DENND1B: variants seen among roughly 807,000 people sequenced by gnomAD.
DENND1B encodes the protein DENN domain containing 1B.
A neutral mutation model predicts 90.1 loss-of-function variants in DENND1B; 59 were observed. That is an observed-to-expected ratio of 0.65 (90% CI 0.53 to 0.81). DENND1B has a LOEUF of 0.81. DENND1B is among the 40% of genes least tolerant of loss of function. The pLI, the probability that DENND1B is intolerant of heterozygous loss-of-function variation, is 0.00. For synonymous variants in DENND1B, 337 were observed against 324.6 expected (o/e 1.04, Z -0.41); for missense variants, 862 against 912.6 (o/e 0.94, Z 0.71).
chr1:197,593,075 G>A (rs895796291), intron 14 of DENND1B, among the ~76,000 whole-genome samples: 1 of 151,812 alleles, frequency 6.6e-6, no homozygotes, highest in Admixed American at 6.6e-5. Flanking sequence ...AGTAAAGAGA[G>A]AAGACATTGG....
intron 2 of DENND1B, among the ~76,000 whole-genome samples, chr1:197,737,234 C>T (rs79307025): frequency 0.015 from 2,313 of 152,256 alleles, 60 homozygotes; most frequent in African/African-American, 0.053. Flanking sequence ...TGCCCTATGT[C>T]GAAGTGGTTG....
In DENND1B at chr1:197,578,208, A is replaced by G. The variant is rs11804057; in HGVS notation, c.1149+4944T>C. Among the ~76,000 whole-genome samples the G allele has an allele frequency of 5.7e-3, 863 of 152,036 alleles. 11 individuals carry two copies. The highest frequency in any genetic ancestry group is 0.019 in the African/African-American group (803 of 41,484). On this transcript the variant is annotated intron_variant, in intron 15 of 22. Coordinates refer to ENST00000620048, the MANE Select transcript of DENND1B (RefSeq NM_001195215.2). ...ATACTAATGTATTGTACATTTCAAAATTGCTAAAAGAGTAGGGTTTTTGTT... is the reference window on the plus strand; with the variant it reads ...ATACTAATGTATTGTACATTTCAAAGTTGCTAAAAGAGTAGGGTTTTTGTT...
chr1:197,617,047 T>C (rs1344289718), intron 11 of DENND1B, among the ~76,000 whole-genome samples: 2 of 151,044 alleles, frequency 1.3e-5, no homozygotes, highest in African/African-American at 4.8e-5. Flanking sequence ...ATTGGGATCC[T>C]TTAGGAATTG....
intron 16 of DENND1B, among the ~76,000 whole-genome samples, chr1:197,550,553 A>C (rs961099693): frequency 6.6e-6 from 1 of 152,070 alleles, no homozygotes; most frequent in Non-Finnish European, 1.5e-5. Context: ...TCAGCAAACT[A>C]TCACAAGGAC....
chr1:197,742,402 G>A, intron 2 of DENND1B, among the ~76,000 whole-genome samples: 1 of 152,096 alleles, frequency 6.6e-6, no homozygotes, highest in East Asian at 1.9e-4. Context: ...AAGAAGAAAA[G>A]ATAACATCTC....
At chr1:197,600,740 T>A (rs1676132638) in intron 13 of DENND1B, among the ~76,000 whole-genome samples, 1 of 151,650 alleles carries the variant, frequency 6.6e-6, no homozygotes, top group Admixed American at 6.6e-5. Flanking sequence ...AAAGGATATA[T>A]GAGAGATATG....
chr1:197,557,386 A>C (rs1258272615), intron 15 of DENND1B, among the ~76,000 whole-genome samples: 1 of 151,932 alleles, frequency 6.6e-6, no homozygotes, highest in Non-Finnish European at 1.5e-5. Flanking sequence ...TACTGGAAAT[A>C]ATCCATCCAT....
intron 2 of DENND1B, chr1:197,736,140 G>T: frequency 3.3e-6 from 2 of 609,692 alleles, no homozygotes; most frequent in Non-Finnish European, 5.8e-6. Flanking sequence ...AATAAATATT[G>T]GACTTAAAAA....
At chr1:197,693,875 T>A (rs539572397) in intron 3 of DENND1B, among the ~76,000 whole-genome samples, 79 of 151,612 alleles carry the variant, frequency 5.2e-4, no homozygotes, top group Non-Finnish European at 8.9e-4. Flanking sequence ...TCATTAAGCC[T>A]TATAACAATA....
intron 4 of DENND1B, 111 bp from the exon 5 acceptor site, chr1:197,672,267 G>T: frequency 7.7e-7 from 1 of 1,291,616 alleles, no homozygotes; most frequent in Non-Finnish European, 1.0e-6. Flanking sequence ...TTTCTAATCA[G>T]TTGGTTCTTG....
rs1003040426 is a variant in DENND1B, at chr1:197,735,405, G to T, written c.83-20331C>A. 4.9e-6 allele frequency: 7 copies of T among 1,418,552 alleles called. No homozygotes were observed. The Admixed American group carries it at 1.4e-4, about 28-fold the overall frequency. 87.9% of individuals were successfully genotyped at this position (1,418,552 alleles called of 1,614,324 possible). A position where few individuals can be genotyped will look rare whatever the true frequency, so the allele number is the denominator to read the frequency against. On this transcript the variant is annotated intron_variant, in intron 2 of 22. Transcript: ENST00000620048. Reference sequence around the variant, plus strand: ...AAATTTAAAAGTCCAAGACCTCAGAGAATTCACTGTTAAAAAAAAATACTC... The same window carrying T: ...AAATTTAAAAGTCCAAGACCTCAGATAATTCACTGTTAAAAAAAAATACTC...
At chr1:197,520,743 C>G (rs963931694) in intron 20 of DENND1B, among the ~76,000 whole-genome samples, 1 of 151,820 alleles carries the variant, frequency 6.6e-6, no homozygotes, top group East Asian at 1.9e-4. Context: ...AGTTTTATAT[C>G]ATTCTGATAC....
intron 15 of DENND1B, among the ~76,000 whole-genome samples, chr1:197,557,587 C>T (rs1162175782): frequency 6.6e-6 from 1 of 151,842 alleles, no homozygotes; most frequent in Admixed American, 6.6e-5. Context: ...CAGTGGCAGA[C>T]ACCAATGTAC....
chr1:197,683,080 A>G (rs1227519768), intron 3 of DENND1B, among the ~76,000 whole-genome samples: 1 of 152,160 alleles, frequency 6.6e-6, no homozygotes, highest in Non-Finnish European at 1.5e-5. Flanking sequence ...GATATTAAAT[A>G]GATTAACCAG....
chr1:197,544,922 GAA>G (rs1276465004), intron 18 of DENND1B, among the ~76,000 whole-genome samples: 5 of 105,760 alleles, frequency 4.7e-5, no homozygotes, highest in African/African-American at 1.8e-4. Flanking sequence ...AAAAGAAGAA[GAA>G]AAGAGAAGAA....
At chr1:197,768,952 TC>T (rs1656068011) in intron 2 of DENND1B, among the ~76,000 whole-genome samples, 1 of 152,140 alleles carries the variant, frequency 6.6e-6, no homozygotes, top group South Asian at 2.1e-4. Flanking sequence ...AGGAGCTTTA[TC>T]AAGTTATATT....
intron 10 of DENND1B, among the ~76,000 whole-genome samples, chr1:197,625,767 C>T (rs988724712): frequency 6.6e-6 from 1 of 152,064 alleles, no homozygotes; most frequent in Admixed American, 6.6e-5. Flanking sequence ...ATTCAGGAAA[C>T]CCATCTCACA....
chr1:197,594,616 C>A (rs968716185), intron 14 of DENND1B, among the ~76,000 whole-genome samples: 3 of 152,092 alleles, frequency 2.0e-5, no homozygotes, highest in Admixed American at 6.6e-5. Flanking sequence ...TGTATTTTGA[C>A]TTGCACCTTT....
chr1:197,512,125 C>A (rs953999102), intron 21 of DENND1B, among the ~76,000 whole-genome samples, 181 bp from the exon 22 acceptor site: 2 of 151,624 alleles, frequency 1.3e-5, no homozygotes, highest in Non-Finnish European at 3.0e-5. Flanking sequence ...TTTGTGCATG[C>A]ATTAAGAACA....
Sources: gnomAD v4.1 joint callset for allele counts (sites outside exome capture counted in the v4.1 genomes callset) on GRCh38, gnomAD v4.1.1 for gene constraint, MANE v1.5 for transcripts, NCBI Gene and HGNC (gene_info 2026-07-23, HGNC 2026-07-21) for gene names.